DSG2: variants seen among roughly 807,000 people sequenced by gnomAD.
DSG2 encodes desmoglein-2.
In DSG2, 45 loss-of-function variants were observed where a neutral mutation model predicts 75.6. That is an observed-to-expected ratio of 0.60 (90% CI 0.47 to 0.76). The LOEUF (loss-of-function observed/expected upper bound fraction) is 0.76, where lower values mean the gene tolerates loss of function less well. Ranked by LOEUF, DSG2 falls within the 30% of genes least tolerant of loss-of-function variation. The pLI is 0.00. For synonymous variants in DSG2, 429 were observed against 483.9 expected (o/e 0.89, Z 1.49); for missense variants, 1,267 against 1,357.4 (o/e 0.93, Z 1.05).
In DSG2 at chr18:31,546,425, C is replaced by A. The variant is rs539821357; in HGVS notation, c.3039C>A (p.Tyr1013Ter). 1.2e-5 allele frequency: 19 copies of A among 1,614,156 alleles called. No homozygotes were observed. The East Asian group carries it at 4.0e-4, about 34-fold the overall frequency. ...CTCAGCATCTTCAAGATGTACCTTA[C>A]GTCATGGTGAGGGAAAGAGAGAGCT... ...EGTQHLQDVP[Y>*]VMVRERESFL... The change falls in exon 15 of 15, where the codon TAC becomes TAA. Residue 1013 changes from tyrosine to a stop codon, truncating the protein, a stop_gained. Transcript: ENST00000261590. LOFTEE classifies it low-confidence loss of function (END_TRUNC).
intron 1 of DSG2, among the ~76,000 whole-genome samples, chr18:31,513,379 A>C (rs1235003152): frequency 1.3e-5 from 2 of 152,232 alleles, no homozygotes; most frequent in African/African-American, 4.8e-5. Context: ...CTTCTCTTCT[A>C]ATCAGTGAGG....
intron 9 of DSG2, 150 bp downstream of exon 9, chr18:31,531,402 T>A: frequency 1.1e-6 from 1 of 932,448 alleles, no homozygotes; most frequent in Non-Finnish European, 1.6e-6. Context: ...CAAAGATGTG[T>A]CTATAACTGA....
At chr18:31,524,336 C>A in intron 6 of DSG2, 112 bp from the exon 7 acceptor site, 1 of 1,424,078 alleles carries the variant, frequency 7.0e-7, no homozygotes. Flanking sequence ...GATCATAAAA[C>A]AGATTTGTAA....
At chr18:31,518,374 T>C in intron 2 of DSG2, 100 bp downstream of exon 2, 1 of 1,028,112 alleles carries the variant, frequency 9.7e-7, no homozygotes, top group East Asian at 2.4e-5. Flanking sequence ...ACACATGTTG[T>C]ATTAGACCCA....
chr18:31,506,018 C>T (rs1186065471), intron 1 of DSG2, among the ~76,000 whole-genome samples: 1 of 152,158 alleles, frequency 6.6e-6, no homozygotes, highest in Non-Finnish European at 1.5e-5. Context: ...TACTATATGA[C>T]CAACAGTCTT....
intron 3 of DSG2, 53 bp from the exon 4 acceptor site, chr18:31,520,750 C>G: frequency 6.3e-6 from 10 of 1,578,778 alleles, no homozygotes; most frequent in Non-Finnish European, 8.7e-6. Flanking sequence ...AAGATCAAAT[C>G]TAGTAAATTA....
chr18:31,546,664 C>T lies in DSG2; in HGVS notation c.3278C>T (p.Ser1093Phe). ...CTGCCAGATTTTGGTTTAGAGGAAT[C>T]TGGTCATTCTAATTCTACCATAACC... ...GPLPDFGLEE[S>F]GHSNSTITTS... is the part of the protein sequence containing the mutation. The change falls in exon 15 of 15, where the codon TCT becomes TTT. Residue 1093 changes from serine (S) to phenylalanine (F), a missense_variant. Transcript: ENST00000261590. The T allele has an allele frequency of 6.2e-7, 1 of 1,614,184 alleles. No homozygotes were observed. Among genetic ancestry groups the T allele is most frequent in the Non-Finnish European group, 8.5e-7 (1 of 1,180,012 alleles).
chr18:31,512,433 C>T (rs1172288489), intron 1 of DSG2, among the ~76,000 whole-genome samples: 5 of 152,254 alleles, frequency 3.3e-5, no homozygotes, highest in Non-Finnish European at 5.9e-5. Context: ...ATGTATTGCA[C>T]GTGCTTCTGC....
chr18:31,545,382 G>A (rs754878832), intron 14 of DSG2, among the ~76,000 whole-genome samples: 2 of 152,102 alleles, frequency 1.3e-5, no homozygotes, highest in Non-Finnish European at 2.9e-5. Context: ...TATTGACATA[G>A]TCCATATTTC....
chr18:31,499,171 A>G (rs2073000871), intron 1 of DSG2, among the ~76,000 whole-genome samples: 1 of 152,210 alleles, frequency 6.6e-6, no homozygotes, highest in Admixed American at 6.5e-5. Context: ...TTATGCTGCA[A>G]ATATAGGTGT....
At chr18:31,534,084 G>A (rs2073214284) in intron 9 of DSG2, among the ~76,000 whole-genome samples, 1 of 147,912 alleles carries the variant, frequency 6.8e-6, no homozygotes, top group South Asian at 2.1e-4. Context: ...TCTGCCTCCC[G>A]GGTTCAAGCA....
At chr18:31,528,892 A>T (rs959689008) in intron 8 of DSG2, among the ~76,000 whole-genome samples, 6 of 152,090 alleles carry the variant, frequency 3.9e-5, no homozygotes, top group African/African-American at 1.4e-4. Flanking sequence ...AAACACATGT[A>T]AAGGAACTTT....
At chr18:31,529,012 T>G (rs1417472349) in intron 8 of DSG2, among the ~76,000 whole-genome samples, 1 of 152,170 alleles carries the variant, frequency 6.6e-6, no homozygotes, top group Non-Finnish European at 1.5e-5. Flanking sequence ...AAGTTATACC[T>G]GAATGAAGCT....
intron 9 of DSG2, among the ~76,000 whole-genome samples, chr18:31,532,538 C>T (rs2073204775): frequency 6.6e-6 from 1 of 152,154 alleles, no homozygotes; most frequent in African/African-American, 2.4e-5. Flanking sequence ...GAAGAAGCTC[C>T]TCAGCAACCT....
chr18:31,526,519 G>C (rs2073163855), intron 8 of DSG2, among the ~76,000 whole-genome samples: 1 of 152,186 alleles, frequency 6.6e-6, no homozygotes, highest in African/African-American at 2.4e-5. Flanking sequence ...AAGAACTCAT[G>C]ATTATTGAAG....
At position 31,526,157 on chromosome 18, in the gene DSG2, A is replaced by G. The variant is rs116153761; in HGVS notation, c.1014+1269A>G. Among the ~76,000 whole-genome samples the G allele has an allele frequency of 4.7e-3, 716 of 152,340 alleles. 4 individuals are homozygous for G. Among genetic ancestry groups the G allele is most frequent in the African/African-American group, 0.016 (674 of 41,582 alleles). On this transcript the variant is annotated intron_variant, in intron 8 of 14. Transcript: ENST00000261590. The stretch of plus-strand genomic sequence containing the variant: ...AGATTCCGTCTCAAGAAATATAGGT[A>G]AGGAATAATATCAGTGTATTTTAAG...
In DSG2 at chr18:31,524,813, A is replaced by C. The variant is rs1191660971; in HGVS notation, c.939A>C (p.Ala313=). The change falls in exon 8 of 15, where the codon GCA becomes GCC. Residue 313 remains alanine, a synonymous_variant. Coordinates refer to ENST00000261590, the MANE Select transcript of DSG2 (RefSeq NM_001943.5). ...ATTGGCTGGCAAATTTTACATTTGC[A>C]TCAGGAAATGAAGGAGGTTATTTCC... ...SDNWLANFTF[A]SGNEGGYFHI... 4 of 1,614,202 alleles carry C rather than the reference A, an allele frequency of 2.5e-6. No homozygotes were observed. The South Asian group carries it at 3.3e-5, about 13-fold the overall frequency.
chr18:31,543,107 T>C (rs1162415232), intron 14 of DSG2: 7 of 382,618 alleles, frequency 1.8e-5, no homozygotes, highest in East Asian at 4.1e-5. Flanking sequence ...CTTACAGTTA[T>C]GTTTTTGCCA....
At chr18:31,526,560 G>C (rs1247328159) in intron 8 of DSG2, among the ~76,000 whole-genome samples, 1 of 152,144 alleles carries the variant, frequency 6.6e-6, no homozygotes, top group Admixed American at 6.5e-5. Context: ...GACAAAATCA[G>C]TTTATCTGCT....
Sources: allele counts gnomAD v4.1 joint callset (sites outside exome capture counted in the v4.1 genomes callset), GRCh38; gene constraint gnomAD v4.1.1; transcripts MANE v1.5; gene names NCBI Gene and HGNC (gene_info 2026-07-23, HGNC 2026-07-21).